Variants in TMEM132B observed in about 807,000 individuals in gnomAD.
TMEM132B encodes transmembrane protein 132B.
A neutral mutation model predicts 90.8 loss-of-function variants in TMEM132B; 18 were observed. The observed-to-expected ratio is 0.20, with a 90% confidence interval of 0.14 to 0.29. The LOEUF is 0.29. TMEM132B is among the 10% of genes least tolerant of loss of function. The pLI is 1.00. For missense variants in TMEM132B, 1,096 were observed against 1,326.8 expected (o/e 0.83, Z 2.70); for synonymous variants, 504 against 523.3 (o/e 0.96, Z 0.50).
rs1879527351 is a variant in TMEM132B, at chr12:125,407,355, A to G, written c.960-8176A>G. On this transcript the variant is annotated intron_variant, in intron 2 of 8. Coordinates refer to ENST00000682704, the MANE Select transcript of TMEM132B (RefSeq NM_001366854.1). This position sits in a 1 kb window ranked among gnomAD's most constrained non-coding sequence, Gnocchi z 6.7. Reference sequence around the variant, plus strand: ...ACCAAACAAACCCAAAACCCTGTAGAGTGGAGTATTTAGTTCAAAAGTGGC... The same window carrying G: ...ACCAAACAAACCCAAAACCCTGTAGGGTGGAGTATTTAGTTCAAAAGTGGC... 1.3e-5 allele frequency among the ~76,000 whole-genome samples: 2 copies of G among 152,222 alleles called. No homozygotes were observed. Among genetic ancestry groups the G allele is most frequent in the African/African-American group, 2.4e-5 (1 of 41,460 alleles).
At chr12:125,359,323 C>T (rs1019404058) in intron 2 of TMEM132B, among the ~76,000 whole-genome samples, 11 of 151,914 alleles carry the variant, frequency 7.2e-5, no homozygotes, top group Non-Finnish European at 1.3e-4. Flanking sequence ...ATATATATTG[C>T]GATTTTATTA....
At chr12:125,276,612 C>T (rs548375166) in intron 1 of TMEM132B, among the ~76,000 whole-genome samples, 39 of 152,182 alleles carry the variant, frequency 2.6e-4, no homozygotes, top group East Asian at 1.9e-3. Flanking sequence ...GGGGTAACTT[C>T]GAGAGTGCAT....
chr12:125,481,428 G>A (rs926898759), intron 3 of TMEM132B, among the ~76,000 whole-genome samples: 3 of 152,152 alleles, frequency 2.0e-5, no homozygotes, highest in Non-Finnish European at 4.4e-5. Flanking sequence ...CAAAATCGAT[G>A]TGCAAAAATC....
chr12:125,603,564 C>A (rs1312669226), intron 5 of TMEM132B, among the ~76,000 whole-genome samples: 1 of 152,104 alleles, frequency 6.6e-6, no homozygotes, highest in Non-Finnish European at 1.5e-5. Context: ...GATGAAAACA[C>A]CAAAAGCAAT....
Position 125,484,261 on chromosome 12 carries a change from A to T in TMEM132B, c.1107-35178A>T, listed in dbSNP as rs879938887. Among the ~76,000 whole-genome samples, 1,123 of 152,270 alleles carry T rather than the reference A, an allele frequency of 7.4e-3. 7 individuals carry two copies. Among genetic ancestry groups the T allele is most frequent in the African/African-American group, 0.025 (1,055 of 41,544 alleles). ...ATCTAATGTTCTCCAACTTCAGTGT[A>T]CACACGATATGTATGAACACATGGA... On this transcript the variant is annotated intron_variant, in intron 3 of 8. Coordinates refer to ENST00000682704, the MANE Select transcript of TMEM132B (RefSeq NM_001366854.1).
At chr12:125,271,385 G>A (rs1443961404) in intron 1 of TMEM132B, among the ~76,000 whole-genome samples, 1 of 152,184 alleles carries the variant, frequency 6.6e-6, no homozygotes, top group Admixed American at 6.5e-5. Flanking sequence ...TCGTGGGAAG[G>A]AATTCCGCAA....
chr12:125,598,297 C>G (rs1885491183), intron 5 of TMEM132B, among the ~76,000 whole-genome samples: 1 of 152,186 alleles, frequency 6.6e-6, no homozygotes, highest in East Asian at 1.9e-4. Flanking sequence ...GATTTCCCTT[C>G]AGACTGATCT....
chr12:125,241,706 T>A (rs10846851), intron 1 of TMEM132B, among the ~76,000 whole-genome samples: 30,650 of 152,140 alleles, frequency 0.2, 3,358 homozygotes, highest in East Asian at 0.42. Flanking sequence ...TCCAGGGCCA[T>A]GAGAAAATAC....
intron 4 of TMEM132B, among the ~76,000 whole-genome samples, chr12:125,572,241 C>T (rs781742121): frequency 3.9e-5 from 6 of 152,196 alleles, no homozygotes; most frequent in Non-Finnish European, 8.8e-5. Flanking sequence ...GTGTGTCTCC[C>T]AAAATCCATG....
chr12:125,399,070 C>T (rs1468104663), intron 2 of TMEM132B, among the ~76,000 whole-genome samples: 2 of 152,200 alleles, frequency 1.3e-5, no homozygotes, highest in Non-Finnish European at 2.9e-5. Context: ...CATAGGTCTT[C>T]CAACCTGACT....
chr12:125,416,053 T>C (rs570139041), intron 3 of TMEM132B, among the ~76,000 whole-genome samples: 4 of 152,320 alleles, frequency 2.6e-5, no homozygotes, highest in African/African-American at 7.2e-5. Context: ...ATTTTGCTGA[T>C]ATCACACTTG....
At chr12:125,423,804 T>C (rs1253148107) in intron 3 of TMEM132B, among the ~76,000 whole-genome samples, 1 of 152,240 alleles carries the variant, frequency 6.6e-6, no homozygotes, top group Non-Finnish European at 1.5e-5. Flanking sequence ...ATGTTATTTC[T>C]GTGCATATTA....
chr12:125,644,928 A>G (rs1458469695), intron 6 of TMEM132B, among the ~76,000 whole-genome samples: 5 of 152,168 alleles, frequency 3.3e-5, no homozygotes, highest in Non-Finnish European at 7.3e-5. Context: ...GATACATACT[A>G]TAGTAGACAG....
chr12:125,369,414 A>G (rs1359221321), intron 2 of TMEM132B, among the ~76,000 whole-genome samples: 1 of 152,252 alleles, frequency 6.6e-6, no homozygotes, highest in Non-Finnish European at 1.5e-5. Flanking sequence ...GTCAAATGGT[A>G]GGAAATACAA....
chr12:125,508,814 T>A (rs973854760), intron 3 of TMEM132B, among the ~76,000 whole-genome samples: 1 of 150,732 alleles, frequency 6.6e-6, no homozygotes. Flanking sequence ...AGTCTCACTC[T>A]GTCGCCCAGC....
chr12:125,413,443 C>T (rs750473344), intron 2 of TMEM132B, among the ~76,000 whole-genome samples: 23 of 152,090 alleles, frequency 1.5e-4, no homozygotes, highest in African/African-American at 3.4e-4. Flanking sequence ...AAAACACTGT[C>T]GTCATCCCAA....
chr12:125,466,902 T>A (rs536200595), intron 3 of TMEM132B, among the ~76,000 whole-genome samples: 1 of 152,340 alleles, frequency 6.6e-6, no homozygotes, highest in Non-Finnish European at 1.5e-5. Flanking sequence ...AGGACACACA[T>A]GTGAACAAAC....
At chr12:125,433,626 C>T (rs988492923) in intron 3 of TMEM132B, among the ~76,000 whole-genome samples, 2 of 147,818 alleles carry the variant, frequency 1.4e-5, no homozygotes, top group East Asian at 2.0e-4. Context: ...CCCACTAACT[C>T]GTCATCTAGC....
intron 1 of TMEM132B, among the ~76,000 whole-genome samples, chr12:125,222,600 A>G (rs1873585483): frequency 6.6e-6 from 1 of 152,242 alleles, no homozygotes; most frequent in Admixed American, 6.5e-5. Context: ...ATACTTGCCA[A>G]TGAACTGACA....
Sources: gnomAD v4.1 joint callset for allele counts (sites outside exome capture counted in the v4.1 genomes callset) on GRCh38, gnomAD v4.1.1 for gene constraint, Gnocchi (gnomAD v3.1) non-coding constraint, MANE v1.5 for transcripts, NCBI Gene and HGNC (gene_info 2026-07-23, HGNC 2026-07-21) for gene names.